MALRD1: variants seen among roughly 807,000 people sequenced by gnomAD.
MALRD1 encodes MAM and LDL receptor class A domain containing 1, also known as MAM and LDL-receptor class A domain-containing protein 1.
A neutral mutation model predicts 242.1 loss-of-function variants in MALRD1; 247 were observed. That is an observed-to-expected ratio of 1.02 (90% CI 0.92 to 1.13). The LOEUF (loss-of-function observed/expected upper bound fraction) is 1.13, where lower values mean the gene tolerates loss of function less well. MALRD1 is among the 50% of genes most tolerant of loss of function. The pLI, the probability that MALRD1 is intolerant of heterozygous loss-of-function variation, is 0.00. For synonymous variants in MALRD1, 995 were observed against 866.6 expected (o/e 1.15, Z -2.60); for missense variants, 2,989 against 2,533.1 (o/e 1.18, Z -3.86).
rs149171147 is a variant in MALRD1, at chr10:19,354,898, T to C, written c.4441+2601T>C. Reference sequence around the variant, plus strand: ...TACAGCTATTGTGTATCCATAAATATTAAAAATAAAAAAGAAATTTGGAGA... The same window carrying C: ...TACAGCTATTGTGTATCCATAAATACTAAAAATAAAAAAGAAATTTGGAGA... On this transcript the variant is annotated intron_variant, in intron 26 of 39. Coordinates refer to ENST00000454679, the MANE Select transcript of MALRD1 (RefSeq NM_001142308.3). Among the ~76,000 whole-genome samples the C allele has an allele frequency of 2.0e-5, 3 of 152,194 alleles. No homozygotes were observed. In the East Asian group the frequency reaches 5.8e-4, roughly 29 times the overall value.
At chr10:19,365,994 A>T (rs1264249161) in intron 26 of MALRD1, among the ~76,000 whole-genome samples, 1 of 152,060 alleles carries the variant, frequency 6.6e-6, no homozygotes, top group Non-Finnish European at 1.5e-5. Context: ...TGAATTTTAG[A>T]GTAGCGATCC....
At chr10:19,166,806 T>G (rs1464843186) in intron 13 of MALRD1, among the ~76,000 whole-genome samples, 1 of 152,168 alleles carries the variant, frequency 6.6e-6, no homozygotes, top group Non-Finnish European at 1.5e-5. Flanking sequence ...TGGATGACAT[T>G]TGAAAAGAGC....
At chr10:19,250,229 T>C (rs1315931616) in intron 18 of MALRD1, among the ~76,000 whole-genome samples, 3 of 152,010 alleles carry the variant, frequency 2.0e-5, no homozygotes, top group African/African-American at 7.2e-5. Context: ...TATTATCTCA[T>C]TTTTAAATAA....
intron 29 of MALRD1, among the ~76,000 whole-genome samples, chr10:19,488,264 A>G (rs1193314199): frequency 6.6e-6 from 1 of 152,198 alleles, no homozygotes; most frequent in Non-Finnish European, 1.5e-5. Flanking sequence ...TGAAATTATG[A>G]TAACCAAGGT....
chr10:19,178,041 G>T (rs562788538), intron 14 of MALRD1, among the ~76,000 whole-genome samples: 1 of 152,174 alleles, frequency 6.6e-6, no homozygotes, highest in South Asian at 2.1e-4. Context: ...CCTTTCCTGA[G>T]CTCTTACCGA....
chr10:19,566,434 A>T (rs577048601), intron 32 of MALRD1, among the ~76,000 whole-genome samples: 9 of 150,718 alleles, frequency 6.0e-5, no homozygotes, highest in Admixed American at 1.3e-4. Context: ...CCACCACGCC[A>T]GGCCATATTT....
chr10:19,128,996 TC>T, intron 8 of MALRD1, among the ~76,000 whole-genome samples: 1 of 152,246 alleles, frequency 6.6e-6, no homozygotes, highest in Non-Finnish European at 1.5e-5. Context: ...CTTTTTCTAC[TC>T]TTACGCACTC....
At chr10:19,344,241 G>T (rs1844007171) in intron 24 of MALRD1, among the ~76,000 whole-genome samples, 1 of 151,888 alleles carries the variant, frequency 6.6e-6, no homozygotes, top group Non-Finnish European at 1.5e-5. Flanking sequence ...CAAGTCCTAG[G>T]TCCCTGATTT....
At chr10:19,270,387 G>T (rs907171498) in intron 19 of MALRD1, among the ~76,000 whole-genome samples, 4 of 147,562 alleles carry the variant, frequency 2.7e-5, no homozygotes, top group African/African-American at 1.0e-4. Context: ...CCAGACTGCT[G>T]ATTTTAGTAG....
At chr10:19,115,332 A>G (rs1254545365) in intron 5 of MALRD1, among the ~76,000 whole-genome samples, 1 of 151,938 alleles carries the variant, frequency 6.6e-6, no homozygotes, top group Non-Finnish European at 1.5e-5. Context: ...GGAGGTCTAT[A>G]CTCTGGGTGA....
intron 36 of MALRD1, among the ~76,000 whole-genome samples, chr10:19,651,831 A>G (rs1277698060): frequency 6.6e-6 from 1 of 152,188 alleles, no homozygotes; most frequent in Non-Finnish European, 1.5e-5. Flanking sequence ...GTTACAAGCA[A>G]CAGAAATGAC....
intron 20 of MALRD1, 128 bp downstream of exon 20, chr10:19,280,351 T>A: frequency 3.2e-6 from 2 of 626,470 alleles, no homozygotes; most frequent in Non-Finnish European, 4.7e-6. Context: ...CTTCTAAATG[T>A]AACAGTTATT....
At chr10:19,437,887 C>T (rs1160523139) in intron 28 of MALRD1, among the ~76,000 whole-genome samples, 1 of 151,994 alleles carries the variant, frequency 6.6e-6, no homozygotes, top group African/African-American at 2.4e-5. Context: ...ATAATTTTGT[C>T]TTAATAGACC....
intron 11 of MALRD1, among the ~76,000 whole-genome samples, chr10:19,153,220 A>G (rs1306913409): frequency 6.6e-6 from 1 of 152,214 alleles, no homozygotes; most frequent in Non-Finnish European, 1.5e-5. Flanking sequence ...TTTCAAATTT[A>G]TTCGACATCA....
chr10:19,734,235 T>C lies in MALRD1; in HGVS notation c.6469T>C (p.Ter2157GlnextTer7), dbSNP rs1835405683. The C allele has an allele frequency of 6.5e-7, 1 of 1,535,212 alleles. No homozygotes were observed. The highest frequency in any genetic ancestry group is 8.7e-7 in the Non-Finnish European group (1 of 1,146,034). The change falls in exon 40 of 40, where the codon TAG (stop) becomes CAG (glutamine). Residue 2157 changes from the stop codon to glutamine, a stop_lost. Transcript: ENST00000454679. ...GGAGACCCTGTCACATCATCTCAAATAGCAGCATCGAGACCAAGTCTGATC... is the reference window on the plus strand; with the variant it reads ...GGAGACCCTGTCACATCATCTCAAACAGCAGCATCGAGACCAAGTCTGATC... ...SLETLSHHLK[*>Q]
chr10:19,120,043 A>G (rs1043244221), intron 5 of MALRD1, among the ~76,000 whole-genome samples: 3 of 152,076 alleles, frequency 2.0e-5, no homozygotes, highest in African/African-American at 4.8e-5. Flanking sequence ...GGAGTCCACA[A>G]AAATTTTGGG....
chr10:19,234,975 T>TGG, intron 18 of MALRD1, among the ~76,000 whole-genome samples: 1 of 152,080 alleles, frequency 6.6e-6, no homozygotes, highest in Admixed American at 6.6e-5. Context: ...TCTACATGGA[T>TGG]GGGAAGTAGC....
intron 5 of MALRD1, among the ~76,000 whole-genome samples, chr10:19,109,643 GCA>G (rs2131349520): frequency 6.6e-6 from 1 of 152,286 alleles, no homozygotes; most frequent in East Asian, 1.9e-4. Flanking sequence ...ATGGAGAATG[GCA>G]CACTACCAAG....
chr10:19,547,798 ATATATATATATATATATATATTTTTTTTT>A (rs1835279137), intron 32 of MALRD1, among the ~76,000 whole-genome samples: 1 of 12,338 alleles, frequency 8.1e-5, no homozygotes, highest in Non-Finnish European at 1.8e-4. Flanking sequence ...ATATATATAT[ATATATATATATATATATATATTTTTTTTT>A]TTTTTTTTTT....
Sources: gnomAD v4.1 joint callset for allele counts (sites outside exome capture counted in the v4.1 genomes callset) on GRCh38, gnomAD v4.1.1 for gene constraint, MANE v1.5 for transcripts, NCBI Gene and HGNC (gene_info 2026-07-23, HGNC 2026-07-21) for gene names.